Variants in ANTXR2 observed in about 807,000 individuals in gnomAD.
The protein encoded by ANTXR2 is ANTXR cell adhesion molecule 2, also known as anthrax toxin receptor 2.
ANTXR2 carries 44 observed loss-of-function variants against 73.7 expected under a neutral mutation model. That is an observed-to-expected ratio of 0.60 (90% confidence interval 0.47 to 0.77). ANTXR2 has a LOEUF of 0.77. Ranked by LOEUF, ANTXR2 falls within the 30% of genes least tolerant of loss-of-function variation. The pLI is 0.00. For missense variants in ANTXR2, 604 were observed against 592.5 expected, an observed-to-expected ratio of 1.02 and a Z score of -0.20; for synonymous variants, 217 against 205.9, an observed-to-expected ratio of 1.05 and a Z score of -0.46.
Position 80,033,584 on chromosome 4 carries a change from G to A in ANTXR2, c.698-14C>T. On this transcript the variant is annotated splice_polypyrimidine_tract_variant and intron_variant, in intron 8 of 16. Coordinates refer to ENST00000403729, the MANE Select transcript of ANTXR2 (RefSeq NM_058172.6). ...TCTGAAATTCCTCTAGAAGTAAAAG[G>A]AAAAATAAACATTTAATCACTGCTT... is the stretch of plus-strand genomic sequence containing the variant. 3 of 1,546,482 alleles carry A rather than the reference G, an allele frequency of 1.9e-6. No homozygotes were observed. Among genetic ancestry groups the A allele is most frequent in the Non-Finnish European group, 2.6e-6 (3 of 1,149,624 alleles).
chr4:79,982,189 T>A (rs1729920938), intron 14 of ANTXR2, among the ~76,000 whole-genome samples: 1 of 152,184 alleles, frequency 6.6e-6, no homozygotes, highest in Non-Finnish European at 1.5e-5. Flanking sequence ...TACTTTATTA[T>A]CATGCCATAT....
intron 3 of ANTXR2, among the ~76,000 whole-genome samples, chr4:80,067,206 A>T (rs1734541999): frequency 8.0e-6 from 1 of 125,038 alleles, no homozygotes; most frequent in Non-Finnish European, 1.7e-5. Context: ...ACTCTGTCTC[A>T]CAAAAAAAAA....
rs562903460 is a variant in ANTXR2, at chr4:79,995,014, A to G, written c.1042-10151T>C. Reference sequence around the variant, plus strand: ...CCTGATGCTTCCCCCAAATACAATGATCATTTTCCTGTTAGGTCCCAACCA... The same window carrying G: ...CCTGATGCTTCCCCCAAATACAATGGTCATTTTCCTGTTAGGTCCCAACCA... On this transcript the variant is annotated intron_variant, in intron 12 of 16. Transcript: ENST00000403729. 8.5e-5 allele frequency among the ~76,000 whole-genome samples: 13 copies of G among 152,088 alleles called. No homozygotes were observed. The South Asian group carries it at 2.3e-3, about 27-fold the overall frequency.
At chr4:79,993,760 G>GCGCGCACACACACACACACACACA (rs71662888) in intron 12 of ANTXR2, among the ~76,000 whole-genome samples, 2 of 140,658 alleles carry the variant, frequency 1.4e-5, no homozygotes, top group African/African-American at 5.1e-5. Flanking sequence ...ACACACACAC[G>GCGCGCACACACACACACACACACA]CACACACACA....
At chr4:80,012,224 A>G (rs1731618495) in intron 11 of ANTXR2, among the ~76,000 whole-genome samples, 1 of 152,212 alleles carries the variant, frequency 6.6e-6, no homozygotes, top group Non-Finnish European at 1.5e-5. Flanking sequence ...CATGAAACAG[A>G]TAATTATTTC....
rs1452918628 is a variant in ANTXR2 at position 79,978,076 on chromosome 4, G to A, written c.1278C>T (p.Ile426=). The change falls in exon 15 of 17, where the codon ATC becomes ATT. Residue 426 remains isoleucine (I), a synonymous_variant. Coordinates refer to ENST00000403729, the MANE Select transcript of ANTXR2 (RefSeq NM_058172.6). ...VKIPEETEEP[I]RPRPPRPKPT... ...GTTTGGGTCGAGGTGGTCTAGGCCT[G>A]ATGGGTTCCTCTGTTTCTTCAGGAA... 6.2e-7 allele frequency: 1 copy of A among 1,613,720 alleles called. No homozygotes were observed. Among genetic ancestry groups the A allele is most frequent in the Non-Finnish European group, 8.5e-7 (1 of 1,179,848 alleles).
chr4:79,963,908 G>T (rs190231476), intron 16 of ANTXR2, among the ~76,000 whole-genome samples: 2 of 152,206 alleles, frequency 1.3e-5, no homozygotes, highest in East Asian at 1.9e-4. Context: ...GTTTACTTCT[G>T]ACTTAACATT....
At chr4:80,066,847 G>A (rs760149972) in intron 3 of ANTXR2, among the ~76,000 whole-genome samples, 4 of 152,140 alleles carry the variant, frequency 2.6e-5, no homozygotes, top group East Asian at 1.9e-4. Flanking sequence ...GGATTTACAC[G>A]CAGGTAGATT....
rs1178088177 is a variant in ANTXR2 at position 79,975,920 on chromosome 4, T to TC, written c.1428+1700_1428+1701insG. Among the ~76,000 whole-genome samples the TC allele has an allele frequency of 4.5e-3, 682 of 150,918 alleles. 10 individuals carry two copies. The highest frequency in any genetic ancestry group is 0.016 in the African/African-American group (651 of 41,308). On this transcript the variant is annotated intron_variant, in intron 16 of 16. Coordinates refer to ENST00000403729, the MANE Select transcript of ANTXR2 (RefSeq NM_058172.6). Reference sequence around the variant, plus strand: ...TAAATTTTCTCAAATTACACTTTTTTTTTTTTTTTTGAGACGTAGTCTCTC... The same window carrying TC: ...TAAATTTTCTCAAATTACACTTTTTTCTTTTTTTTTTGAGACGTAGTCTCTC...
intron 16 of ANTXR2, among the ~76,000 whole-genome samples, chr4:79,937,334 T>G (rs981625879): frequency 3.0e-4 from 45 of 152,230 alleles, no homozygotes; most frequent in African/African-American, 1.0e-3. Context: ...AAAAAATTTT[T>G]GGAAGAATGT....
At chr4:79,916,644 T>C (rs1186602383) in intron 16 of ANTXR2, among the ~76,000 whole-genome samples, 3 of 152,018 alleles carry the variant, frequency 2.0e-5, no homozygotes, top group Non-Finnish European at 4.4e-5. Flanking sequence ...TTGAAAATGA[T>C]CCAAATGTCC....
chr4:79,986,550 G>A (rs1730169618), intron 12 of ANTXR2, among the ~76,000 whole-genome samples: 1 of 152,172 alleles, frequency 6.6e-6, no homozygotes, highest in South Asian at 2.1e-4. Flanking sequence ...TATGGGTACA[G>A]ATAAAGAAAG....
intron 3 of ANTXR2, among the ~76,000 whole-genome samples, chr4:80,056,883 C>A (rs1163224781): frequency 6.6e-6 from 1 of 151,570 alleles, no homozygotes; most frequent in Non-Finnish European, 1.5e-5. Context: ...GATTTGAAAC[C>A]TCTCGAAAAT....
Position 79,903,571 on chromosome 4 carries a change from A to T in ANTXR2, c.*3858T>A, listed in dbSNP as rs1232589973. On this transcript the variant is annotated 3_prime_UTR_variant, in exon 17 of 17. Transcript: ENST00000403729. ...GGATTTTCAAAAACAACAACAAAAA[A>T]GTCTTTCTTTTATCCGATCGACTGA... The T allele has an allele frequency of 1.3e-5, 2 of 152,178 alleles. No homozygotes were observed. Among genetic ancestry groups the T allele is most frequent in the Non-Finnish European group, 2.9e-5 (2 of 68,034 alleles). 9.4% of individuals were successfully genotyped at this position (152,178 alleles called of 1,614,324 possible).
At chr4:80,006,683 A>G (rs1731319129) in intron 12 of ANTXR2, among the ~76,000 whole-genome samples, 1 of 152,112 alleles carries the variant, frequency 6.6e-6, no homozygotes, top group Admixed American at 6.6e-5. Flanking sequence ...CCATGTATCT[A>G]GTCTCTGATC....
intron 12 of ANTXR2, among the ~76,000 whole-genome samples, chr4:80,005,574 C>CT (rs1731264807): frequency 6.6e-6 from 1 of 152,034 alleles, no homozygotes; most frequent in African/African-American, 2.4e-5. Context: ...ACTCAAGATC[C>CT]TTTTCCACAA....
chr4:79,966,133 C>G (rs1729352425), intron 16 of ANTXR2, among the ~76,000 whole-genome samples: 1 of 150,048 alleles, frequency 6.7e-6, no homozygotes, highest in Non-Finnish European at 1.5e-5. Context: ...CTTAGACACA[C>G]ACACACACAC....
chr4:79,985,030 G>A lies in ANTXR2; in HGVS notation c.1042-167C>T, dbSNP rs34062473. The stretch of plus-strand genomic sequence containing the variant: ...CCTCTCTTTGAATCTTGGATTGCCT[G>A]TAACTAGCTTTCGGCAAATAGAAAA... On this transcript the variant is annotated intron_variant, in intron 12 of 16. Coordinates refer to ENST00000403729, the MANE Select transcript of ANTXR2 (RefSeq NM_058172.6). Among the ~76,000 whole-genome samples the A allele has an allele frequency of 0.075, 11,381 of 152,140 alleles. 498 individuals carry two copies. Among genetic ancestry groups the A allele is most frequent in the Middle Eastern group, 0.11 (31 of 294 alleles).
At chr4:80,024,787 T>G in intron 10 of ANTXR2, 1 of 378,874 alleles carries the variant, frequency 2.6e-6, no homozygotes, top group Non-Finnish European at 5.2e-6. Context: ...GTTAAGAGAC[T>G]GTAAAAACAA....
Sources: allele counts gnomAD v4.1 joint callset (sites outside exome capture counted in the v4.1 genomes callset), GRCh38; gene constraint gnomAD v4.1.1; transcripts MANE v1.5; gene names NCBI Gene and HGNC (gene_info 2026-07-23, HGNC 2026-07-21).